CDC25B: variants seen among roughly 807,000 people sequenced by gnomAD.
CDC25B encodes the protein cell division cycle 25B.
A neutral mutation model predicts 69.8 loss-of-function variants in CDC25B; 33 were observed. The observed-to-expected ratio is 0.47, with a 90% confidence interval of 0.36 to 0.63. The LOEUF (loss-of-function observed/expected upper bound fraction) is 0.63. Ranked by LOEUF, CDC25B falls within the 30% of genes least tolerant of loss-of-function variation. CDC25B has a pLI of 0.00. For synonymous variants in CDC25B, 341 were observed against 314.6 expected (o/e 1.08, Z -0.89); for missense variants, 727 against 809.1 (o/e 0.90, Z 1.23).
Position 3,796,751 on chromosome 20 carries a change from C to T in CDC25B, c.200+20C>T. On this transcript the variant is annotated intron_variant, in intron 1 of 15. Transcript: ENST00000245960. The stretch of plus-strand genomic sequence containing the variant: ...CGGCAGGTAGGACACCCCAAGGAGG[C>T]TGCATATGGGGGTGAGAGGCTAGGT... 6.4e-7 allele frequency: 1 copy of T among 1,550,904 alleles called. No homozygotes were observed.
At chr20:3,792,239 A>G (rs190220859), upstream of CDC25B, among the ~76,000 whole-genome samples, 1 of 150,756 alleles carries the variant, frequency 6.6e-6, no homozygotes, top group East Asian at 2.0e-4. Context: ...TGCTGTTTGT[A>G]TATTCTTTAA....
rs1345807284 is a variant in CDC25B, at chr20:3,800,799, C to T, written c.516C>T (p.Pro172=). 8.7e-6 allele frequency: 14 copies of T among 1,612,584 alleles called. No individual in the cohort carries two copies. Among genetic ancestry groups the T allele is most frequent in the Admixed American group, 1.7e-5 (1 of 60,002 alleles). Residue 172 remains proline (P), a synonymous_variant, in exon 6 of 16, where the codon CCC becomes CCT. Coordinates refer to ENST00000245960, the MANE Select transcript of CDC25B (RefSeq NM_021873.4). ...GGAACATCACCAACTCCCAGGCGCC[C>T]GACGGCCGGAGGAAGAGCGAGGCGG... is the stretch of plus-strand genomic sequence containing the variant. ...VLRNITNSQA[P]DGRRKSEAGS...
At chr20:3,793,283 C>T (rs1256127022), upstream of CDC25B, among the ~76,000 whole-genome samples, 1 of 152,148 alleles carries the variant, frequency 6.6e-6, no homozygotes, top group Non-Finnish European at 1.5e-5. Flanking sequence ...TATGGCAAAA[C>T]CCTGTCTCTA....
upstream of CDC25B, among the ~76,000 whole-genome samples, chr20:3,791,656 T>C (rs564668598): frequency 6.6e-6 from 1 of 152,252 alleles, no homozygotes; most frequent in African/African-American, 2.4e-5. Context: ...CCCTCCAGCC[T>C]GGGTGACGGA....
intron 10 of CDC25B, 52 bp downstream of exon 10, chr20:3,802,152 C>A: frequency 6.5e-7 from 1 of 1,535,232 alleles, no homozygotes; most frequent in Non-Finnish European, 8.8e-7. Context: ...GGCAGCCACC[C>A]CCTTGGCTAA....
Position 3,802,003 on chromosome 20 carries a change from A to G in CDC25B, c.1001A>G (p.Lys334Arg), listed in dbSNP as rs754915160. 8.7e-5 allele frequency: 139 copies of G among 1,603,868 alleles called. No individual in the cohort carries two copies. The highest frequency in any genetic ancestry group is 1.1e-4 in the Non-Finnish European group (124 of 1,175,630). ...TGCAGCGTGATCCGGCCCATCCTCA[A>G]GAGGCTGGAGCGGCCCCAGGACAGG... ...MPCSVIRPIL[K>R]RLERPQDRDT... is the part of the protein sequence containing the mutation. The change falls in exon 10 of 16, where the codon AAG (lysine) becomes AGG (arginine). Residue 334 changes from lysine (K) to arginine (R), a missense_variant. Physicochemically the swap from Lys to Arg is conservative, Grantham distance 26. This residue lies in a region of CDC25B where 359 missense variants were observed against 463.4 expected (regional missense o/e 0.77). Coordinates refer to ENST00000245960, the MANE Select transcript of CDC25B (RefSeq NM_021873.4).
intron 3 of CDC25B, among the ~76,000 whole-genome samples, chr20:3,799,532 G>GCGCGCA (rs1568506024): frequency 6.6e-6 from 1 of 150,440 alleles, no homozygotes; most frequent in Non-Finnish European, 1.5e-5. Context: ...GTGTGCGCGC[G>GCGCGCA]CGCGCGTAGA....
Position 3,796,631 on chromosome 20 carries a change from C to T in CDC25B, c.100C>T (p.Leu34=). 1 of 1,463,256 alleles carries T rather than the reference C, an allele frequency of 6.8e-7. No individual in the cohort carries two copies. Among genetic ancestry groups the T allele is most frequent in the Non-Finnish European group, 9.0e-7 (1 of 1,111,792 alleles). The allele number at this position is 1,463,256 out of a possible 1,614,324, so 90.6% of individuals were successfully genotyped here. A position where few individuals can be genotyped will look rare whatever the true frequency, so the allele number is the denominator to read the frequency against. ...QRPGHLPGLL[L]GSHGLLGSPV... ...TCCGGGCCACCTCCCGGGCCTCCTG[C>T]TGGGATCTCATGGCCTCCTGGGGTC... The change falls in exon 1 of 16, where the codon CTG becomes TTG. Residue 34 remains leucine (L), a synonymous_variant. Coordinates refer to ENST00000245960, the MANE Select transcript of CDC25B (RefSeq NM_021873.4).
chr20:3,802,334 C>G lies in CDC25B; in HGVS notation c.1152C>G (p.Leu384=), dbSNP rs2089317009. 4 of 1,445,142 alleles carry G rather than the reference C, an allele frequency of 2.8e-6. No individual in the cohort carries two copies. The East Asian group carries it at 1.1e-4, about 38-fold the overall frequency. 89.5% of individuals were successfully genotyped at this position (1,445,142 alleles called of 1,614,324 possible). The change falls in exon 11 of 16, where the codon CTC becomes CTG. Residue 384 remains leucine, a synonymous_variant. Transcript: ENST00000245960. ...KSLCHDEIEN[L]LDSDHRELIG... is the part of the protein sequence containing the mutation. ...TGTGTCACGATGAGATCGAGAACCT[C>G]CTGGACAGTGACCACCGAGAGCTGA... is the stretch of plus-strand genomic sequence containing the variant.
Position 3,798,490 on chromosome 20 carries a change from C to G in CDC25B, c.380+27C>G, listed in dbSNP as rs750602288. Reference sequence around the variant, plus strand: ...TGAGTAGAGAAGGGAATGTGTACTTCCAAGCATTCAGCACCTGTCTTTAAG... The same window carrying G: ...TGAGTAGAGAAGGGAATGTGTACTTGCAAGCATTCAGCACCTGTCTTTAAG... On this transcript the variant is annotated intron_variant, in intron 3 of 15. Transcript: ENST00000245960. 1.7e-5 allele frequency: 27 copies of G among 1,554,288 alleles called. No homozygotes were observed. In the South Asian group the frequency reaches 3.2e-4, roughly 18 times the overall value.
chr20:3,798,343 T>C, intron 2 of CDC25B, 69 bp from the exon 3 acceptor site: 2 of 660,770 alleles, frequency 3.0e-6, no homozygotes, highest in Non-Finnish European at 4.8e-6. Flanking sequence ...TTTTTCATAT[T>C]GGGACATGGT....
intron 1 of CDC25B, among the ~76,000 whole-genome samples, chr20:3,789,394 G>A (rs1243808565): frequency 1.3e-5 from 2 of 152,064 alleles, no homozygotes; most frequent in African/African-American, 4.8e-5. Flanking sequence ...TTTTGAGACG[G>A]AGTCTCACTG....
At chr20:3,801,221 C>T (rs2089271490) in intron 7 of CDC25B, 33 bp from the exon 8 acceptor site, 1 of 1,610,078 alleles carries the variant, frequency 6.2e-7, no homozygotes, top group Non-Finnish European at 8.5e-7. Flanking sequence ...CTATCTCCAC[C>T]TCTAAGTCTG....
Position 3,796,521 on chromosome 20 carries a change from GC to G in CDC25B, c.-7del. ...CGGCCCTCCAGCCAGCCTTCTGCCG[GC>G]CCCGCCGCGATGGAGGTGCCCCAGC... On this transcript the variant is annotated 5_prime_UTR_variant, in exon 1 of 16. Transcript: ENST00000245960. The G allele has an allele frequency of 6.7e-7, 1 of 1,484,670 alleles. No individual in the cohort carries two copies. Among genetic ancestry groups the G allele is most frequent in the Admixed American group, 2.2e-5 (1 of 45,088 alleles). 92.0% of individuals were successfully genotyped at this position (1,484,670 alleles called of 1,614,324 possible). A position where few individuals can be genotyped will look rare whatever the true frequency, so the allele number is the denominator to read the frequency against.
Position 3,803,181 on chromosome 20 carries a change from A to G in CDC25B, c.1331A>G (p.Tyr444Cys). 6.2e-7 allele frequency: 1 copy of G among 1,613,660 alleles called. No individual in the cohort carries two copies. The highest frequency in any genetic ancestry group is 1.1e-5 in the South Asian group (1 of 91,050). ...GTGATTGTAGACTGCAGATACCCCT[A>G]TGAATATGAAGGCGGGCACATCAAG... is the stretch of plus-strand genomic sequence containing the variant. ...KFVIVDCRYP[Y>C]EYEGGHIKTA... Residue 444 changes from tyrosine to cysteine, a missense_variant, in exon 13 of 16, where the codon TAT becomes TGT. Tyr to Cys is a radical substitution (Grantham distance 194). This residue lies in a region of CDC25B where 359 missense variants were observed against 463.4 expected (regional missense o/e 0.77). Coordinates refer to ENST00000245960, the MANE Select transcript of CDC25B (RefSeq NM_021873.4). The surrounding 1 kb of genome is among the most constrained non-coding windows in gnomAD (Gnocchi z 4.9).
At position 3,797,740 on chromosome 20, in the gene CDC25B, T is replaced by C; in HGVS notation, c.319T>C (p.Ser107Pro). ...CCTGTCGTCTGAATCCTCCGAATCT[T>C]CTGATGCAGGTGAGGCCCAGGGGAG... The part of the protein sequence containing the change: ...SSLSSESSES[S>P]DAGLCMDSPS... Residue 107 changes from serine to proline, a missense_variant, in exon 2 of 16, where the codon TCT becomes CCT. By Grantham distance (74) the Ser-to-Pro change is moderately conservative. Around this residue, in one of 2 missense-constraint regions of CDC25B, gnomAD observed 368 missense variants for 345.6 expected, o/e 1.06. Transcript: ENST00000245960. 1.2e-6 allele frequency: 2 copies of C among 1,613,994 alleles called. No individual in the cohort carries two copies. Among genetic ancestry groups the C allele is most frequent in the Non-Finnish European group, 1.7e-6 (2 of 1,180,018 alleles).
intron 14 of CDC25B, among the ~76,000 whole-genome samples, chr20:3,804,157 G>A (rs900167897): frequency 3.9e-5 from 6 of 152,156 alleles, no homozygotes; most frequent in Non-Finnish European, 5.9e-5. Context: ...CCTGGGCACC[G>A]GGCCTGGGCA....
At chr20:3,791,587 G>A (rs1481700693), upstream of CDC25B, among the ~76,000 whole-genome samples, 1 of 152,166 alleles carries the variant, frequency 6.6e-6, no homozygotes, top group African/African-American at 2.4e-5. Flanking sequence ...GGAGGCTGAG[G>A]TGGGAGGATT....
chr20:3,799,257 G>A (rs1266551816), intron 3 of CDC25B, among the ~76,000 whole-genome samples: 1 of 152,208 alleles, frequency 6.6e-6, no homozygotes, highest in East Asian at 1.9e-4. Context: ...CAGGAAATGG[G>A]GAGAGGATTG....
Sources: allele counts gnomAD v4.1 joint callset (sites outside exome capture counted in the v4.1 genomes callset), GRCh38; gene constraint gnomAD v4.1.1; regional missense constraint gnomAD v4.1.1; non-coding constraint Gnocchi (gnomAD v3.1); transcripts MANE v1.5; gene names NCBI Gene and HGNC (gene_info 2026-07-23, HGNC 2026-07-21).